KLF15: variants seen among roughly 807,000 people sequenced by gnomAD.
KLF15 encodes KLF transcription factor 15, also known as Krueppel-like factor 15.
In KLF15, 4 loss-of-function variants were observed where a neutral mutation model predicts 24.6. The ratio of observed to expected loss-of-function variants is 0.16; its 90% CI spans 0.08 to 0.37. The LOEUF (loss-of-function observed/expected upper bound fraction) is 0.37. Among genes scored for constraint, KLF15 ranks in the 10% least tolerant of loss-of-function variants. KLF15 has a pLI of 1.00. For synonymous variants in KLF15, 246 were observed against 236.3 expected, an observed-to-expected ratio of 1.04 and a Z score of -0.37; for missense variants, 496 against 560.6, an observed-to-expected ratio of 0.88 and a Z score of 1.16.
the KLF15 span, among the ~76,000 whole-genome samples, chr3:126,298,039 T>C: frequency 6.6e-6 from 1 of 152,234 alleles, no homozygotes; most frequent in Non-Finnish European, 1.5e-5. Flanking sequence ...TTTTCCGTAG[T>C]GGTTGTACTA....
At chr3:126,350,417 A>G (rs1222617634) in intron 2 of KLF15, among the ~76,000 whole-genome samples, 1 of 152,186 alleles carries the variant, frequency 6.6e-6, no homozygotes, top group East Asian at 1.9e-4. Context: ...GTCCTCACTC[A>G]GGAGGGGCCT....
intron 2 of KLF15, 88 bp from the exon 3 acceptor site, chr3:126,343,983 C>T (rs2082508985): frequency 7.4e-6 from 10 of 1,357,996 alleles, no homozygotes; most frequent in Non-Finnish European, 9.8e-6. Context: ...GCAAGGCGTG[C>T]ACCTGGCACT....
chr3:126,310,774 A>G, the KLF15 span, among the ~76,000 whole-genome samples: 1 of 151,930 alleles, frequency 6.6e-6, no homozygotes, highest in Admixed American at 6.6e-5. Flanking sequence ...TACCCTAATC[A>G]CCTCTGCAAG....
At chr3:126,354,908 A>G (rs1320412077) in intron 1 of KLF15, among the ~76,000 whole-genome samples, 2 of 152,240 alleles carry the variant, frequency 1.3e-5, no homozygotes, top group African/African-American at 4.8e-5. Context: ...GGGTGCTTCC[A>G]ACAGTGCCTG....
the KLF15 span, among the ~76,000 whole-genome samples, chr3:126,317,536 G>T: frequency 6.6e-6 from 1 of 152,166 alleles, no homozygotes; most frequent in Admixed American, 6.5e-5. Context: ...CCAGGGAGAT[G>T]TGACTGGGAA....
Position 126,352,820 on chromosome 3 carries a change from G to C in KLF15, c.103C>G (p.Leu35Val). Residue 35 changes from leucine (L) to valine (V), a missense_variant, in exon 2 of 3, where the codon CTG (leucine) becomes GTG (valine). By Grantham distance (32) the Leu-to-Val change is conservative. Around this residue, in one of 3 missense-constraint regions of KLF15, gnomAD observed 399 missense variants for 423.1 expected, o/e 0.94. Coordinates refer to ENST00000296233, the MANE Select transcript of KLF15 (RefSeq NM_014079.4). ...TCATCTTCAGAGACGGGTGAGGGCAGCATGTGATATGCCCGCCGGCCAACC... is the reference window on the plus strand; with the variant it reads ...TCATCTTCAGAGACGGGTGAGGGCACCATGTGATATGCCCGCCGGCCAACC... ...RLVGRRAYHM[L>V]PSPVSEDDSD... The C allele has an allele frequency of 6.2e-7, 1 of 1,604,648 alleles. No individual in the cohort carries two copies. The highest frequency in any genetic ancestry group is 8.5e-7 in the Non-Finnish European group (1 of 1,175,780).
rs200030394 is a variant in KLF15, at chr3:126,352,884, C to T, written c.39G>A (p.Ser13=). 1.4e-4 allele frequency: 228 copies of T among 1,611,212 alleles called. No individual in the cohort carries two copies. The highest frequency in any genetic ancestry group is 1.3e-4 in the East Asian group (6 of 44,866). ...GATACCCAACTGGGCATTTTGGCGA[C>T]GAGAAGTTCTCGTCCACTGGAAGTA... is the stretch of plus-strand genomic sequence containing the variant. ...DHLLPVDENF[S]SPKCPVGYLG... is the part of the protein sequence containing the mutation. Residue 13 remains serine (S), a synonymous_variant, in exon 2 of 3, where the codon TCG becomes TCA. Transcript: ENST00000296233.
At chr3:126,293,478 C>G in the KLF15 span, among the ~76,000 whole-genome samples, 1 of 152,180 alleles carries the variant, frequency 6.6e-6, no homozygotes. Context: ...AGAACCCAGA[C>G]ATGTCTGTAG....
chr3:126,335,376 C>G, the KLF15 span, among the ~76,000 whole-genome samples: 1 of 136,982 alleles, frequency 7.3e-6, no homozygotes, highest in Non-Finnish European at 1.6e-5. Context: ...TTCAACAACC[C>G]TTCATGCTAA....
chr3:126,338,618 G>A (rs2082456633), downstream of KLF15, among the ~76,000 whole-genome samples: 2 of 152,176 alleles, frequency 1.3e-5, no homozygotes, highest in African/African-American at 2.4e-5. Context: ...AGCCAGACTA[G>A]TAATGTCTTA....
In KLF15 at chr3:126,352,190, T is replaced by C; in HGVS notation, c.733A>G (p.Asn245Asp). 1.3e-6 allele frequency: 2 copies of C among 1,562,632 alleles called. No homozygotes were observed. Among genetic ancestry groups the C allele is most frequent in the East Asian group, 4.5e-5 (2 of 44,094 alleles). ...GPASPGQAPE[N>D]VKVAQLLVNI... is the part of the protein sequence containing the mutation. The stretch of plus-strand genomic sequence containing the variant: ...ACCAGGAGCTGGGCAACCTTGACAT[T>C]CTCTGGGGCTTGCCCAGGGGAGGCA... The change falls in exon 2 of 3, where the codon AAT becomes GAT. Residue 245 changes from asparagine (N) to aspartate (D), a missense_variant. Physicochemically the swap from Asn to Asp is conservative, Grantham distance 23 (BLOSUM62 1). This residue lies in a region of KLF15 where 399 missense variants were observed against 423.1 expected (regional missense o/e 0.94). Transcript: ENST00000296233.
intron 2 of KLF15, among the ~76,000 whole-genome samples, chr3:126,350,174 T>G (rs1052009207): frequency 1.3e-5 from 2 of 152,202 alleles, no homozygotes; most frequent in African/African-American, 4.8e-5. Flanking sequence ...CCTGCTTCAA[T>G]CAAGAGCACT....
At chr3:126,350,921 C>T (rs1029276991) in intron 2 of KLF15, among the ~76,000 whole-genome samples, 17 of 152,218 alleles carry the variant, frequency 1.1e-4, no homozygotes, top group East Asian at 1.9e-4. Flanking sequence ...CAGCACACAG[C>T]GCCCCCCAGG....
At position 126,352,131 on chromosome 3, in the gene KLF15, G is replaced by A. The variant is rs1448307843; in HGVS notation, c.792C>T (p.Pro264=). 6.4e-7 allele frequency: 1 copy of A among 1,563,070 alleles called. No individual in the cohort carries two copies. Among genetic ancestry groups the A allele is most frequent in the Non-Finnish European group, 8.7e-7 (1 of 1,153,088 alleles). Residue 264 remains proline, a synonymous_variant, in exon 2 of 3, where the codon CCC becomes CCT. Coordinates refer to ENST00000296233, the MANE Select transcript of KLF15 (RefSeq NM_014079.4). ...NIQGQTFALV[P]QVVPSSNLNL... ...TCAAGTTGGAGGAGGGTACCACCTGGGGCACGAGTGCGAAGGTCTGCCCCT... is the reference window on the plus strand; with the variant it reads ...TCAAGTTGGAGGAGGGTACCACCTGAGGCACGAGTGCGAAGGTCTGCCCCT...
chr3:126,321,375 T>C, the KLF15 span, among the ~76,000 whole-genome samples: 1 of 152,228 alleles, frequency 6.6e-6, no homozygotes, highest in Non-Finnish European at 1.5e-5. Flanking sequence ...CTAGTGGCCA[T>C]GCCTGCTGTG....
At chr3:126,331,578 CATTTG>C in the KLF15 span, among the ~76,000 whole-genome samples, 1 of 152,178 alleles carries the variant, frequency 6.6e-6, no homozygotes, top group African/African-American at 2.4e-5. Flanking sequence ...TGCTAGAAAG[CATTTG>C]ATTTAATAAA....
chr3:126,315,137 G>C, the KLF15 span, among the ~76,000 whole-genome samples: 1 of 151,990 alleles, frequency 6.6e-6, no homozygotes, highest in Non-Finnish European at 1.5e-5. Context: ...TGACCACTTG[G>C]GGTTCCCCCA....
chr3:126,311,367 C>T, the KLF15 span, among the ~76,000 whole-genome samples: 2 of 152,246 alleles, frequency 1.3e-5, no homozygotes, highest in African/African-American at 2.4e-5. Flanking sequence ...CTTCTGCTGT[C>T]TGGAAGCGGG....
downstream of KLF15, among the ~76,000 whole-genome samples, chr3:126,339,508 C>T (rs2082463702): frequency 6.6e-6 from 1 of 152,134 alleles, no homozygotes. Context: ...GCTCTCTTTG[C>T]CTCATTCTGC....
Sources: gnomAD v4.1 joint callset for allele counts (sites outside exome capture counted in the v4.1 genomes callset) on GRCh38, gnomAD v4.1.1 for gene constraint, gnomAD v4.1.1 regional missense constraint, MANE v1.5 for transcripts, NCBI Gene and HGNC (gene_info 2026-07-23, HGNC 2026-07-21) for gene names.